Variants in FNDC3B observed in about 807,000 individuals in gnomAD.
FNDC3B encodes fibronectin type III domain containing 3B.
A neutral mutation model predicts 151.5 loss-of-function variants in FNDC3B; 12 were observed. The observed-to-expected ratio is 0.08, with a 90% confidence interval of 0.05 to 0.13. The LOEUF is 0.13. FNDC3B is among the 10% of genes least tolerant of loss of function. The pLI is 1.00. For missense variants in FNDC3B, 1,214 were observed against 1,505.3 expected (o/e 0.81, Z 3.20); for synonymous variants, 528 against 549.0 (o/e 0.96, Z 0.54).
chr3:172,190,860 G>A (rs1028920014), intron 3 of FNDC3B, among the ~76,000 whole-genome samples: 2 of 151,998 alleles, frequency 1.3e-5, no homozygotes, highest in African/African-American at 2.4e-5. Context: ...GTAGAGACGG[G>A]GTCTCTTCAT....
At chr3:172,093,260 A>ATT (rs750469529) in intron 1 of FNDC3B, among the ~76,000 whole-genome samples, 5 of 138,496 alleles carry the variant, frequency 3.6e-5, no homozygotes, top group Admixed American at 1.4e-4. Context: ...CACCCAGCTA[A>ATT]TTTTTTTTTT....
At chr3:172,255,421 A>T (rs557638755) in intron 6 of FNDC3B, among the ~76,000 whole-genome samples, 2 of 152,170 alleles carry the variant, frequency 1.3e-5, no homozygotes, top group South Asian at 4.1e-4. Flanking sequence ...GGCGCACACC[A>T]CCATGCTTGG....
intron 6 of FNDC3B, among the ~76,000 whole-genome samples, chr3:172,266,579 G>A (rs1728932958): frequency 6.6e-6 from 1 of 152,198 alleles, no homozygotes; most frequent in South Asian, 2.1e-4. Context: ...TCAAGGTATT[G>A]GTAGGCCCGA....
chr3:172,056,123 C>T (rs1293035950), intron 1 of FNDC3B, among the ~76,000 whole-genome samples: 3 of 152,048 alleles, frequency 2.0e-5, no homozygotes, highest in Non-Finnish European at 4.4e-5. Flanking sequence ...TTTTCCAAAT[C>T]CTAGTTTCCA....
chr3:172,394,006 G>T (rs1216879565), intron 25 of FNDC3B, among the ~76,000 whole-genome samples: 1 of 149,752 alleles, frequency 6.7e-6, no homozygotes, highest in Non-Finnish European at 1.5e-5. Flanking sequence ...TACTCGGGAG[G>T]CTGAGGCAGG....
At chr3:172,115,444 T>C (rs28406103) in intron 2 of FNDC3B, among the ~76,000 whole-genome samples, 28 of 152,318 alleles carry the variant, frequency 1.8e-4, no homozygotes, top group African/African-American at 5.1e-4. Flanking sequence ...TTTTGAATGC[T>C]TGCTTTGGGC....
chr3:172,061,200 T>G (rs1717177848), intron 1 of FNDC3B, among the ~76,000 whole-genome samples: 2 of 152,148 alleles, frequency 1.3e-5, no homozygotes, highest in South Asian at 2.1e-4. Context: ...TGATACCAAT[T>G]TTTTCTTTTA....
chr3:172,248,153 C>T (rs1302520879), intron 5 of FNDC3B, among the ~76,000 whole-genome samples: 1 of 152,090 alleles, frequency 6.6e-6, no homozygotes, highest in East Asian at 1.9e-4. Flanking sequence ...CTTTGGTATC[C>T]ATATGATCTA....
chr3:172,071,402 T>C (rs79004116), intron 1 of FNDC3B, among the ~76,000 whole-genome samples: 1 of 152,294 alleles, frequency 6.6e-6, no homozygotes, highest in East Asian at 1.9e-4. Context: ...ATTTATAGAA[T>C]AAGTAAATGG....
chr3:172,208,420 G>T (rs1441379291), intron 3 of FNDC3B, among the ~76,000 whole-genome samples: 1 of 152,182 alleles, frequency 6.6e-6, no homozygotes, highest in Non-Finnish European at 1.5e-5. Flanking sequence ...CCCAGAGGTT[G>T]AGCAGGTTAG....
Position 172,352,713 on chromosome 3 carries a change from C to A in FNDC3B, c.2515-90C>A. On this transcript the variant is annotated intron_variant, in intron 21 of 25. Coordinates refer to ENST00000415807, the MANE Select transcript of FNDC3B (RefSeq NM_022763.4). The surrounding 1 kb of genome is among the most constrained non-coding windows in gnomAD (Gnocchi z 4.2). ...CCTGCATATGTGGAAATGTGTACTA[C>A]TTTAGATTTATTTAATGGCAGCTAA... is the stretch of plus-strand genomic sequence containing the variant. 1 of 1,314,190 alleles carries A rather than the reference C, an allele frequency of 7.6e-7. No individual in the cohort carries two copies. Among genetic ancestry groups the A allele is most frequent in the Non-Finnish European group, 1.0e-6 (1 of 953,812 alleles). The allele number at this position is 1,314,190 out of a possible 1,614,324, so 81.4% of individuals were successfully genotyped here. A position where few individuals can be genotyped will look rare whatever the true frequency, so the allele number is the denominator to read the frequency against.
chr3:172,317,082 G>A (rs571790974), intron 11 of FNDC3B: 25 of 420,504 alleles, frequency 5.9e-5, no homozygotes, highest in African/African-American at 5.3e-4. Flanking sequence ...AAATGGCAAT[G>A]CATTTGTGAG....
At chr3:172,182,665 A>T (rs961707848) in intron 3 of FNDC3B, among the ~76,000 whole-genome samples, 2 of 152,228 alleles carry the variant, frequency 1.3e-5, no homozygotes, top group African/African-American at 2.4e-5. Context: ...GAATTCCAAC[A>T]TAGAATCTTA....
At chr3:172,319,618 G>C (rs1372198114) in intron 11 of FNDC3B, among the ~76,000 whole-genome samples, 1 of 152,198 alleles carries the variant, frequency 6.6e-6, no homozygotes, top group Non-Finnish European at 1.5e-5. Context: ...AAATGAAAGA[G>C]GCGTCCCTGG....
At chr3:172,221,730 T>C (rs980848188) in intron 3 of FNDC3B, among the ~76,000 whole-genome samples, 4 of 152,212 alleles carry the variant, frequency 2.6e-5, no homozygotes, top group Non-Finnish European at 5.9e-5. Flanking sequence ...AGTGCCTACA[T>C]TATCTCTTAG....
At chr3:172,275,558 G>A (rs535805142) in intron 6 of FNDC3B, among the ~76,000 whole-genome samples, 11 of 152,324 alleles carry the variant, frequency 7.2e-5, no homozygotes, top group Non-Finnish European at 8.8e-5. Flanking sequence ...ATTGACCCTG[G>A]ATTTGTGGAT....
intron 19 of FNDC3B, 129 bp downstream of exon 19, chr3:172,344,387 A>C: frequency 1.5e-6 from 1 of 685,428 alleles, no homozygotes; most frequent in Non-Finnish European, 2.4e-6. Flanking sequence ...CCATTAATGC[A>C]GTGTCTGTAA....
chr3:172,218,752 G>C (rs568207584), intron 3 of FNDC3B, among the ~76,000 whole-genome samples: 4 of 152,204 alleles, frequency 2.6e-5, no homozygotes, highest in Non-Finnish European at 4.4e-5. Context: ...GAATGTGATG[G>C]AGTCCAGGTG....
At chr3:172,080,954 T>G (rs929141633) in intron 1 of FNDC3B, among the ~76,000 whole-genome samples, 3 of 152,212 alleles carry the variant, frequency 2.0e-5, no homozygotes, top group Non-Finnish European at 2.9e-5. Context: ...TGTTTCCCAT[T>G]GTTTGGAAAT....
Sources: allele counts gnomAD v4.1 joint callset (sites outside exome capture counted in the v4.1 genomes callset), GRCh38; gene constraint gnomAD v4.1.1; non-coding constraint Gnocchi (gnomAD v3.1); transcripts MANE v1.5; gene names NCBI Gene and HGNC (gene_info 2026-07-23, HGNC 2026-07-21).